ASTN2: variants seen among roughly 807,000 people sequenced by gnomAD.
The protein encoded by ASTN2 is astrotactin-2.
In ASTN2, 54 loss-of-function variants were observed where a neutral mutation model predicts 139.8. The observed-to-expected ratio is 0.39, with a 90% CI of 0.31 to 0.48. The LOEUF (loss-of-function observed/expected upper bound fraction) is 0.48, where lower values mean the gene tolerates loss of function less well. ASTN2 is among the 20% of genes least tolerant of loss of function. The pLI is 0.95. For synonymous variants in ASTN2, 756 were observed against 719.5 expected, an observed-to-expected ratio of 1.05 and a Z score of -0.81; for missense variants, 1,565 against 1,725.1, an observed-to-expected ratio of 0.91 and a Z score of 1.64.
intron 17 of ASTN2, among the ~76,000 whole-genome samples, chr9:116,623,147 CTGTGTGTGTGTGTGTGTGTGTG>C (rs10527124): frequency 1.8e-3 from 246 of 137,210 alleles, no homozygotes; most frequent in Middle Eastern, 7.1e-3. Flanking sequence ...AGAGCATACT[CTGTGTGTGTGTGTGTGTGTGTG>C]TGTGTGTGTG....
chr9:116,883,296 A>T (rs1434362866), intron 10 of ASTN2, among the ~76,000 whole-genome samples: 1 of 152,258 alleles, frequency 6.6e-6, no homozygotes, highest in Non-Finnish European at 1.5e-5. Flanking sequence ...TATCGATATA[A>T]ACACATGAAT....
At chr9:116,651,221 C>T (rs1212956381) in intron 17 of ASTN2, among the ~76,000 whole-genome samples, 1 of 152,018 alleles carries the variant, frequency 6.6e-6, no homozygotes, top group Non-Finnish European at 1.5e-5. Context: ...CCAGCCTGCA[C>T]TACTTCTCAT....
chr9:116,890,167 A>G (rs1276831385), intron 10 of ASTN2, among the ~76,000 whole-genome samples: 7 of 152,210 alleles, frequency 4.6e-5, no homozygotes, highest in African/African-American at 1.7e-4. Flanking sequence ...AGCAAATCAT[A>G]CGCCTGGTAT....
At chr9:116,783,255 T>C (rs1356661191) in intron 13 of ASTN2, among the ~76,000 whole-genome samples, 2 of 150,264 alleles carry the variant, frequency 1.3e-5, no homozygotes, top group Non-Finnish European at 3.0e-5. Flanking sequence ...GGCAAACTCA[T>C]AAAATCTTTC....
At chr9:117,329,071 G>A (rs990753415) in intron 1 of ASTN2, among the ~76,000 whole-genome samples, 1 of 152,062 alleles carries the variant, frequency 6.6e-6, no homozygotes, top group African/African-American at 2.4e-5. Context: ...ACCTGCAGCT[G>A]GAGGGCCAAG....
chr9:117,294,972 C>T (rs890256800), intron 1 of ASTN2, among the ~76,000 whole-genome samples: 5 of 152,200 alleles, frequency 3.3e-5, no homozygotes, highest in African/African-American at 1.2e-4. Context: ...CCTCTTCACA[C>T]ACATCCAACC....
intron 7 of ASTN2, among the ~76,000 whole-genome samples, chr9:116,995,712 C>T (rs1007645870): frequency 6.6e-6 from 1 of 152,168 alleles, no homozygotes; most frequent in South Asian, 2.1e-4. Context: ...CCATCACTTC[C>T]TAAATGACTT....
At chr9:117,046,149 C>T (rs1381337839) in intron 5 of ASTN2, among the ~76,000 whole-genome samples, 1 of 151,972 alleles carries the variant, frequency 6.6e-6, no homozygotes, top group African/African-American at 2.4e-5. Context: ...TATAGGCAAA[C>T]GCCACCACAC....
At chr9:116,740,562 G>A (rs1003037170) in intron 13 of ASTN2, among the ~76,000 whole-genome samples, 1 of 151,932 alleles carries the variant, frequency 6.6e-6, no homozygotes, top group Non-Finnish European at 1.5e-5. Context: ...GCCCAGGCTG[G>A]AGTGCAGTTG....
intron 19 of ASTN2, among the ~76,000 whole-genome samples, chr9:116,578,618 A>ACGCGCGCGCG (rs149967114): frequency 6.1e-4 from 60 of 98,630 alleles, no homozygotes; most frequent in African/African-American, 2.2e-3. Context: ...TCTGGCTCCA[A>ACGCGCGCGCG]CGTGTGTGTG....
chr9:117,141,540 G>A, intron 3 of ASTN2, 62 bp from the exon 4 acceptor site: 1 of 1,307,118 alleles, frequency 7.7e-7, no homozygotes, highest in Non-Finnish European at 1.0e-6. Flanking sequence ...CTAGAGCACT[G>A]GGGCTGAAGT....
At chr9:116,534,778 C>T (rs903832845) in intron 19 of ASTN2, among the ~76,000 whole-genome samples, 5 of 152,108 alleles carry the variant, frequency 3.3e-5, no homozygotes, top group African/African-American at 1.2e-4. Context: ...GCTTTACTTC[C>T]AACTATGTGG....
intron 10 of ASTN2, among the ~76,000 whole-genome samples, chr9:116,917,379 T>C (rs1230914639): frequency 6.6e-6 from 1 of 151,736 alleles, no homozygotes; most frequent in Non-Finnish European, 1.5e-5. Flanking sequence ...AGGGTCCATG[T>C]CTACTTGGAT....
chr9:116,793,535 C>T (rs1830610669), intron 13 of ASTN2, among the ~76,000 whole-genome samples: 1 of 152,198 alleles, frequency 6.6e-6, no homozygotes, highest in South Asian at 2.1e-4. Flanking sequence ...GGCTGGCTAT[C>T]TAGCTAGCTA....
intron 7 of ASTN2, among the ~76,000 whole-genome samples, chr9:116,994,645 AT>A (rs1385821992): frequency 2.0e-5 from 3 of 152,178 alleles, no homozygotes; most frequent in Non-Finnish European, 4.4e-5. Context: ...ATTTTATTTC[AT>A]TTTAATTAAT....
chr9:116,816,964 C>A (rs1048626526), intron 12 of ASTN2, among the ~76,000 whole-genome samples: 5 of 144,244 alleles, frequency 3.5e-5, no homozygotes, highest in African/African-American at 1.3e-4. Flanking sequence ...TAACCCCATG[C>A]AACATTCAGC....
intron 21 of ASTN2, 121 bp from the exon 22 acceptor site, chr9:116,440,913 C>A (rs1847821591): frequency 1.1e-6 from 1 of 944,664 alleles, no homozygotes; most frequent in Non-Finnish European, 1.6e-6. Context: ...GCTCTGGGAG[C>A]AGACAAACCT....
Position 117,219,739 on chromosome 9 carries a change from G to A in ASTN2, c.631-4997C>T, listed in dbSNP as rs186645877. On this transcript the variant is annotated intron_variant, in intron 2 of 22. Transcript: ENST00000313400. ...GGGAGGAAGTGGAGAAGAGATGTGA[G>A]AAAGAAAGTGCACCCCTATCCCTTC... Among the ~76,000 whole-genome samples the A allele has an allele frequency of 4.6e-5, 7 of 152,304 alleles. No individual in the cohort carries two copies. The East Asian group carries it at 1.4e-3, about 29-fold the overall frequency.
rs142328943 is a variant in ASTN2, at chr9:117,353,221, G to A, written c.442+61276C>T. ...AAAAAAAATCACAGCACTAATAAAT[G>A]TTTCAACAGCAATTTGAGACCTCAC... On this transcript the variant is annotated intron_variant, in intron 1 of 22. Coordinates refer to ENST00000313400, the MANE Select transcript of ASTN2 (RefSeq NM_001365068.1). Among the ~76,000 whole-genome samples the A allele has an allele frequency of 5.3e-4, 81 of 152,126 alleles. 1 individual carries two copies. The East Asian group carries it at 0.011, about 20-fold the overall frequency.
Sources: allele counts gnomAD v4.1 joint callset (sites outside exome capture counted in the v4.1 genomes callset), GRCh38; gene constraint gnomAD v4.1.1; transcripts MANE v1.5; gene names NCBI Gene and HGNC (gene_info 2026-07-23, HGNC 2026-07-21).